The following SCHIP1 variants were observed in gnomAD, a reference collection of about 807,000 sequenced individuals.
SCHIP1 encodes the protein schwannomin interacting protein 1.
SCHIP1 carries 8 observed loss-of-function variants against 29.7 expected under a neutral mutation model. That is an observed-to-expected ratio of 0.27 (90% CI 0.16 to 0.49). The LOEUF (loss-of-function observed/expected upper bound fraction) is 0.49, where lower values mean the gene tolerates loss of function less well. Among genes scored for constraint, SCHIP1 ranks in the 20% least tolerant of loss-of-function variants. SCHIP1 has a pLI of 0.99. For missense variants in SCHIP1, 193 were observed against 294.6 expected, an observed-to-expected ratio of 0.66 and a Z score of 2.52; for synonymous variants, 76 against 94.9, an observed-to-expected ratio of 0.80 and a Z score of 1.16.
the SCHIP1 span, among the ~76,000 whole-genome samples, chr3:159,558,318 A>T: frequency 6.6e-6 from 1 of 152,146 alleles, no homozygotes; most frequent in East Asian, 1.9e-4. Context: ...CTTATTACCT[A>T]TTTTTATTTG....
chr3:159,843,656 TA>T (rs1452679300), intron 1 of SCHIP1, among the ~76,000 whole-genome samples: 1 of 150,956 alleles, frequency 6.6e-6, no homozygotes, highest in Admixed American at 6.6e-5. Flanking sequence ...CCATCTCTAC[TA>T]AAAAAAATAC....
chr3:159,868,993 A>C (rs1158438791), intron 2 of SCHIP1, among the ~76,000 whole-genome samples: 1 of 152,042 alleles, frequency 6.6e-6, no homozygotes, highest in African/African-American at 2.4e-5. Context: ...GTGAAGATTG[A>C]ATAGGTATAA....
the SCHIP1 span, among the ~76,000 whole-genome samples, chr3:159,589,124 G>A: frequency 6.6e-6 from 1 of 152,084 alleles, no homozygotes; most frequent in Non-Finnish European, 1.5e-5. Context: ...ATTCATTTGT[G>A]TCCTGTTTTA....
At chr3:159,442,421 T>C in the SCHIP1 span, among the ~76,000 whole-genome samples, 1 of 152,072 alleles carries the variant, frequency 6.6e-6, no homozygotes, top group Admixed American at 6.6e-5. Context: ...ATCCAGAGTC[T>C]AGGAGGATGA....
chr3:159,480,500 AT>A, the SCHIP1 span, among the ~76,000 whole-genome samples: 3 of 152,164 alleles, frequency 2.0e-5, no homozygotes, highest in African/African-American at 7.2e-5. Context: ...GCTTGGAATA[AT>A]TTAATCTTAC....
At chr3:159,299,407 C>G in the SCHIP1 span, among the ~76,000 whole-genome samples, 2 of 152,182 alleles carry the variant, frequency 1.3e-5, no homozygotes, top group South Asian at 2.1e-4. Flanking sequence ...ACAGACCCAG[C>G]CTCTGTTCTA....
At chr3:159,345,171 G>T in the SCHIP1 span, among the ~76,000 whole-genome samples, 1 of 147,004 alleles carries the variant, frequency 6.8e-6, no homozygotes, top group Admixed American at 7.0e-5. Flanking sequence ...AGGTTGCAGT[G>T]AGCCAAGATC....
intron 1 of SCHIP1, among the ~76,000 whole-genome samples, chr3:159,855,676 C>T (rs4680528): frequency 2.0e-3 from 305 of 150,960 alleles, no homozygotes; most frequent in Middle Eastern, 3.4e-3. Flanking sequence ...TTTTTTTTAT[C>T]TCCTGTGGTA....
At chr3:159,585,862 T>C in the SCHIP1 span, among the ~76,000 whole-genome samples, 2 of 152,276 alleles carry the variant, frequency 1.3e-5, no homozygotes, top group South Asian at 4.1e-4. Flanking sequence ...TTTTAATAGT[T>C]ATATCTTCCC....
At chr3:159,782,852 T>C in the SCHIP1 span, among the ~76,000 whole-genome samples, 1 of 152,232 alleles carries the variant, frequency 6.6e-6, no homozygotes, top group Non-Finnish European at 1.5e-5. Flanking sequence ...AGCCTTGCTG[T>C]GATGGGCATG....
At chr3:159,273,350 G>T in the SCHIP1 span, 1 of 994,132 alleles carries the variant, frequency 1.0e-6, no homozygotes, top group Non-Finnish European at 1.2e-6. Context: ...CATGGTGTGT[G>T]CAGTGCCTTG....
At chr3:159,586,914 T>C in the SCHIP1 span, among the ~76,000 whole-genome samples, 31,082 of 152,150 alleles carry the variant, frequency 0.2, 8,640 homozygotes, top group African/African-American at 0.63. Context: ...TGGCAGCAGG[T>C]AACTTTAGAA....
chr3:159,840,341 C>A, intron 1 of SCHIP1: 1 of 770,662 alleles, frequency 1.3e-6, no homozygotes, highest in Non-Finnish European at 2.2e-6. Flanking sequence ...TGGCCTTCAT[C>A]ACGTGCAGTA....
chr3:159,871,360 G>T (rs989789652), intron 2 of SCHIP1, among the ~76,000 whole-genome samples: 1 of 130,082 alleles, frequency 7.7e-6, no homozygotes, highest in African/African-American at 2.9e-5. Context: ...TTTGTTTGTT[G>T]GGGGGGGTGG....
the SCHIP1 span, among the ~76,000 whole-genome samples, chr3:159,481,479 A>C: frequency 6.6e-6 from 1 of 152,152 alleles, no homozygotes; most frequent in Admixed American, 6.6e-5. Flanking sequence ...CAGCAAATAA[A>C]ATTTTGGTAT....
the SCHIP1 span, among the ~76,000 whole-genome samples, chr3:159,356,843 C>A: frequency 1.2e-4 from 18 of 152,296 alleles, no homozygotes; most frequent in Admixed American, 2.6e-4. Flanking sequence ...CAGAAACATG[C>A]ACTGTGAGCC....
the SCHIP1 span, among the ~76,000 whole-genome samples, chr3:159,429,204 A>T: frequency 1.1e-4 from 15 of 138,028 alleles, no homozygotes; most frequent in South Asian, 1.9e-3. Flanking sequence ...ATAATAATAA[A>T]AAAAAAGAAA....
the SCHIP1 span, among the ~76,000 whole-genome samples, chr3:159,387,781 G>T: frequency 6.6e-6 from 1 of 152,092 alleles, no homozygotes; most frequent in Non-Finnish European, 1.5e-5. Flanking sequence ...CACAAAAATG[G>T]TGGTGAGCTT....
chr3:159,330,577 G>A, the SCHIP1 span, among the ~76,000 whole-genome samples: 2 of 152,098 alleles, frequency 1.3e-5, no homozygotes, highest in African/African-American at 2.4e-5. Context: ...ATACTGATAT[G>A]TATTTTAAGG....
Sources: gnomAD v4.1 joint callset for allele counts (sites outside exome capture counted in the v4.1 genomes callset) on GRCh38, gnomAD v4.1.1 for gene constraint, MANE v1.5 for transcripts, NCBI Gene and HGNC (gene_info 2026-07-23, HGNC 2026-07-21) for gene names.